Variants in FHOD3 observed in about 807,000 individuals in gnomAD.
FHOD3 encodes FH1/FH2 domain-containing protein 3.
In FHOD3, 90 loss-of-function variants were observed where a neutral mutation model predicts 173.0. That is an observed-to-expected ratio of 0.52 (90% confidence interval 0.44 to 0.62). The LOEUF (loss-of-function observed/expected upper bound fraction) is 0.62. FHOD3 is among the 20% of genes least tolerant of loss of function. The probability of loss-of-function intolerance (pLI) is 0.00; values close to 1 mark genes in which losing one functional copy is unlikely to be tolerated. For missense variants in FHOD3, 1,945 were observed against 2,034.7 expected, an observed-to-expected ratio of 0.96 and a Z score of 0.85; for synonymous variants, 828 against 823.0, an observed-to-expected ratio of 1.01 and a Z score of -0.10.
chr18:36,383,970 G>A (rs1297310057), intron 3 of FHOD3, among the ~76,000 whole-genome samples: 1 of 152,192 alleles, frequency 6.6e-6, no homozygotes, highest in African/African-American at 2.4e-5. Context: ...TATAGCACAG[G>A]TCTGGGCTGA....
intron 9 of FHOD3, among the ~76,000 whole-genome samples, chr18:36,621,921 A>G (rs2033740266): frequency 6.6e-6 from 1 of 152,232 alleles, no homozygotes; most frequent in South Asian, 2.1e-4. Context: ...CACAATAGCC[A>G]AGGTGTGGAA....
At chr18:36,554,950 CTT>C (rs1054561123) in intron 5 of FHOD3, among the ~76,000 whole-genome samples, 4 of 152,090 alleles carry the variant, frequency 2.6e-5, no homozygotes, top group Admixed American at 6.6e-5. Flanking sequence ...TGTTTCTTCT[CTT>C]TTTATTAATC....
intron 5 of FHOD3, 69 bp from the exon 6 acceptor site, chr18:36,576,382 A>G (rs1030308278): frequency 1.3e-5 from 15 of 1,152,332 alleles, no homozygotes; most frequent in Non-Finnish European, 1.8e-5. Context: ...CTTGATCAGC[A>G]TTATGATCAC....
chr18:36,656,434 CCT>C (rs2036433120), intron 13 of FHOD3, among the ~76,000 whole-genome samples: 2 of 152,102 alleles, frequency 1.3e-5, no homozygotes, highest in East Asian at 1.9e-4. Context: ...ATGCTCTGAG[CCT>C]CTCTCTGTCT....
intron 1 of FHOD3, among the ~76,000 whole-genome samples, chr18:36,345,045 G>A (rs193179797): frequency 1.3e-5 from 2 of 152,282 alleles, no homozygotes; most frequent in African/African-American, 4.8e-5. Flanking sequence ...AAAATTCACA[G>A]TTGTATGCCT....
intron 3 of FHOD3, among the ~76,000 whole-genome samples, chr18:36,461,094 A>T (rs1027564195): frequency 2.6e-5 from 4 of 152,102 alleles, no homozygotes; most frequent in Non-Finnish European, 5.9e-5. Context: ...CTTGCAGAGT[A>T]AGGGAGGGCA....
chr18:36,342,077 C>CA (rs1256316492), intron 1 of FHOD3, among the ~76,000 whole-genome samples: 1 of 151,542 alleles, frequency 6.6e-6, no homozygotes, highest in South Asian at 2.1e-4. Context: ...ATGACAAATA[C>CA]AAAAAAAGTA....
At chr18:36,601,679 T>G (rs930593454) in intron 7 of FHOD3, among the ~76,000 whole-genome samples, 13 of 152,332 alleles carry the variant, frequency 8.5e-5, no homozygotes, top group South Asian at 4.1e-4. Flanking sequence ...AGTTTACTTT[T>G]CTCAAGTAAA....
chr18:36,464,815 C>T (rs1164380471), intron 3 of FHOD3, among the ~76,000 whole-genome samples: 2 of 151,976 alleles, frequency 1.3e-5, no homozygotes, highest in Non-Finnish European at 2.9e-5. Context: ...TCTTTCAGCA[C>T]TCTTCTTGCT....
chr18:36,504,720 G>A (rs1568358448), intron 4 of FHOD3, among the ~76,000 whole-genome samples: 2 of 151,610 alleles, frequency 1.3e-5, no homozygotes, highest in Non-Finnish European at 2.9e-5. Flanking sequence ...TTGTGCACAT[G>A]TACCCTAAAA....
At chr18:36,593,464 G>A (rs1233148390) in intron 6 of FHOD3, among the ~76,000 whole-genome samples, 2 of 152,184 alleles carry the variant, frequency 1.3e-5, no homozygotes, top group Admixed American at 6.5e-5. Context: ...CATGAATGTG[G>A]ATGAATGACT....
At chr18:36,446,410 C>T (rs74643861) in intron 3 of FHOD3, among the ~76,000 whole-genome samples, 1 of 144,128 alleles carries the variant, frequency 6.9e-6, no homozygotes, top group Non-Finnish European at 1.5e-5. Context: ...CCTCTGCGGA[C>T]TTTTTTTTTT....
At position 36,611,993 on chromosome 18, in the gene FHOD3, C is replaced by G; in HGVS notation, c.855C>G (p.Val285=). 6.2e-7 allele frequency: 1 copy of G among 1,614,126 alleles called. No homozygotes were observed. The highest frequency in any genetic ancestry group is 1.1e-5 in the South Asian group (1 of 91,074). Reference sequence around the variant, plus strand: ...CAGACCAAGACACCTTCTACGACGTCGTGGACTGCCTGGAGGAGCTGGGCA... The same window carrying G: ...CAGACCAAGACACCTTCTACGACGTGGTGGACTGCCTGGAGGAGCTGGGCA... ...GLPDQDTFYD[V]VDCLEELGIA... Residue 285 remains valine (V), a synonymous_variant, in exon 9 of 29, where the codon GTC becomes GTG. Coordinates refer to ENST00000590592, the MANE Select transcript of FHOD3 (RefSeq NM_001281740.3).
chr18:36,449,725 A>C (rs1449965804), intron 3 of FHOD3, among the ~76,000 whole-genome samples: 1 of 152,208 alleles, frequency 6.6e-6, no homozygotes, highest in Non-Finnish European at 1.5e-5. Context: ...TCTGATATAC[A>C]TAATAATTAG....
In FHOD3 at chr18:36,406,084, TTTTTGTTTTTG is replaced by T. The variant is rs1568229254; in HGVS notation, c.337+33345_337+33355del. ...ACATTGTGGCCTTGCCTGTTTTTTGTTTTTGTTTTTGTTTTTTTGTTTTTGTTTTTGTTTTT... is the reference window on the plus strand; with the variant it reads ...ACATTGTGGCCTTGCCTGTTTTTTGTTTTTTTTGTTTTTGTTTTTGTTTTT... On this transcript the variant is annotated intron_variant, in intron 3 of 28. Transcript: ENST00000590592. Among the ~76,000 whole-genome samples, 61 of 92,564 alleles carry T rather than the reference TTTTTGTTTTTG, an allele frequency of 6.6e-4. 2 individuals are homozygous for T. Among genetic ancestry groups the T allele is most frequent in the African/African-American group, 1.7e-3 (43 of 25,160 alleles). The allele number at this position is 92,564 out of a possible 152,430, so 60.7% of individuals were successfully genotyped here.
At chr18:36,721,477 T>C (rs2040785339) in intron 19 of FHOD3, among the ~76,000 whole-genome samples, 1 of 152,016 alleles carries the variant, frequency 6.6e-6, no homozygotes, top group Non-Finnish European at 1.5e-5. Flanking sequence ...CCCATCTCTA[T>C]AAAATGTACA....
intron 9 of FHOD3, among the ~76,000 whole-genome samples, chr18:36,615,592 A>G (rs1352155887): frequency 1.3e-5 from 2 of 152,228 alleles, no homozygotes; most frequent in African/African-American, 4.8e-5. Context: ...TACATGTTTA[A>G]GAATTTAATG....
At chr18:36,372,418 G>T (rs1598876204) in intron 2 of FHOD3, among the ~76,000 whole-genome samples, 2 of 152,232 alleles carry the variant, frequency 1.3e-5, no homozygotes, top group South Asian at 4.1e-4. Flanking sequence ...ACTTTGTGCA[G>T]ACTCTGTGGA....
chr18:36,741,533 G>T (rs1358264960), intron 21 of FHOD3, among the ~76,000 whole-genome samples: 1 of 152,164 alleles, frequency 6.6e-6, no homozygotes, highest in Non-Finnish European at 1.5e-5. Flanking sequence ...ACTTTGGGAG[G>T]CTGAGGCAGG....
Sources: allele counts gnomAD v4.1 joint callset (sites outside exome capture counted in the v4.1 genomes callset), GRCh38; gene constraint gnomAD v4.1.1; transcripts MANE v1.5; gene names NCBI Gene and HGNC (gene_info 2026-07-23, HGNC 2026-07-21).